The following SLC9A9 variants were observed in gnomAD, a reference collection of about 807,000 sequenced individuals.
SLC9A9 encodes the protein sodium/hydrogen exchanger 9.
A neutral mutation model predicts 77.8 loss-of-function variants in SLC9A9; 62 were observed. The observed-to-expected ratio is 0.80, with a 90% CI of 0.65 to 0.98. The LOEUF is 0.98. Ranked by LOEUF, SLC9A9 falls within the 50% of genes least tolerant of loss-of-function variation. The pLI is 0.00. For missense variants in SLC9A9, 775 were observed against 774.9 expected (o/e 1.00, Z 0.00); for synonymous variants, 320 against 283.5 (o/e 1.13, Z -1.29).
intron 12 of SLC9A9, among the ~76,000 whole-genome samples, chr3:143,428,263 C>A (rs899545510): frequency 1.3e-4 from 3 of 23,216 alleles, no homozygotes; most frequent in Non-Finnish European, 2.4e-4. Context: ...GATAAAAGAC[C>A]TGAATAGACA....
At chr3:143,472,160 T>C (rs1403409026) in intron 11 of SLC9A9, among the ~76,000 whole-genome samples, 6 of 152,310 alleles carry the variant, frequency 3.9e-5, no homozygotes, top group Admixed American at 2.6e-4. Flanking sequence ...CTAAGCTTTA[T>C]CCCAGACACA....
chr3:143,477,722 C>T (rs1040532397), intron 11 of SLC9A9, among the ~76,000 whole-genome samples: 4 of 152,076 alleles, frequency 2.6e-5, no homozygotes, highest in African/African-American at 7.2e-5. Context: ...TATGGTTCTG[C>T]GTCAACCTAT....
chr3:143,409,509 G>A (rs1432823472), intron 12 of SLC9A9, among the ~76,000 whole-genome samples: 1 of 152,120 alleles, frequency 6.6e-6, no homozygotes, highest in Non-Finnish European at 1.5e-5. Context: ...ATTTCATTCC[G>A]CTTAAACCTT....
At chr3:143,450,053 A>ATATATG (rs1406076112) in intron 12 of SLC9A9, among the ~76,000 whole-genome samples, 6 of 89,940 alleles carry the variant, frequency 6.7e-5, no homozygotes, top group African/African-American at 2.4e-4. Context: ...ATATATACAC[A>ATATATG]CATATATAAT....
At chr3:143,830,864 C>T (rs1423447500) in intron 2 of SLC9A9, among the ~76,000 whole-genome samples, 1 of 151,970 alleles carries the variant, frequency 6.6e-6, no homozygotes, top group African/African-American at 2.4e-5. Context: ...AGAAGTTGCT[C>T]CTCTTTATTT....
intron 13 of SLC9A9, among the ~76,000 whole-genome samples, chr3:143,377,204 T>C (rs951691787): frequency 6.6e-6 from 1 of 152,234 alleles, no homozygotes; most frequent in Non-Finnish European, 1.5e-5. Flanking sequence ...TGGAAGGCCC[T>C]GAATAAGAAC....
At chr3:143,746,246 T>C (rs944657938) in intron 4 of SLC9A9, among the ~76,000 whole-genome samples, 1 of 152,148 alleles carries the variant, frequency 6.6e-6, no homozygotes, top group Admixed American at 6.5e-5. Context: ...CAAAAGATAA[T>C]GGCAGCTTAA....
At chr3:143,775,511 T>TA (rs1275729750) in intron 4 of SLC9A9, among the ~76,000 whole-genome samples, 2 of 152,230 alleles carry the variant, frequency 1.3e-5, no homozygotes, top group African/African-American at 4.8e-5. Flanking sequence ...ACAACAGTCT[T>TA]ACTGAGTCAG....
rs992779786 is a variant in SLC9A9 at position 143,625,369 on chromosome 3, A to T, written c.755+26886T>A. On this transcript the variant is annotated intron_variant, in intron 6 of 15. Transcript: ENST00000316549. ...ATGCTACCTGACTTCAAACTATACT[A>T]CAAGGCTACAGTAACCAAAACAACA... Among the ~76,000 whole-genome samples the T allele has an allele frequency of 1.1e-3, 161 of 152,352 alleles. 1 individual carries two copies. The highest frequency in any genetic ancestry group is 1.4e-3 in the Non-Finnish European group (92 of 68,040).
At chr3:143,617,770 G>T (rs1294289235) in intron 6 of SLC9A9, among the ~76,000 whole-genome samples, 1 of 152,164 alleles carries the variant, frequency 6.6e-6, no homozygotes, top group African/African-American at 2.4e-5. Context: ...AGCCCTGTAG[G>T]AATCTAAGTT....
chr3:143,762,260 C>T (rs1290674000), intron 4 of SLC9A9, among the ~76,000 whole-genome samples: 2 of 152,126 alleles, frequency 1.3e-5, no homozygotes, highest in Non-Finnish European at 2.9e-5. Context: ...TTAATGGGTG[C>T]AGCACACCAA....
intron 4 of SLC9A9, among the ~76,000 whole-genome samples, chr3:143,722,672 T>C (rs970308216): frequency 2.0e-5 from 3 of 152,034 alleles, no homozygotes; most frequent in African/African-American, 7.2e-5. Flanking sequence ...CTTCCTTGTG[T>C]CTGGTGACAT....
intron 5 of SLC9A9, among the ~76,000 whole-genome samples, chr3:143,662,902 A>C (rs1452841457): frequency 6.6e-6 from 1 of 152,034 alleles, no homozygotes; most frequent in Non-Finnish European, 1.5e-5. Context: ...AGTGAGCAGA[A>C]ACTTCTGCAG....
At position 143,789,289 on chromosome 3, in the gene SLC9A9, C is replaced by T. The variant is rs566384899; in HGVS notation, c.533+5712G>A. ...ACAAGGAGATATGTAAAATTCTCAC[C>T]GTCCTGACTTTCTCTTTGCCCAGGC... On this transcript the variant is annotated intron_variant, in intron 4 of 15. Coordinates refer to ENST00000316549, the MANE Select transcript of SLC9A9 (RefSeq NM_173653.4). Among the ~76,000 whole-genome samples, 8 of 152,226 alleles carry T rather than the reference C, an allele frequency of 5.3e-5. No individual in the cohort carries two copies. In the East Asian group the frequency reaches 1.5e-3, roughly 29 times the overall value.
intron 14 of SLC9A9, among the ~76,000 whole-genome samples, chr3:143,338,035 G>A (rs1297844533): frequency 6.6e-6 from 1 of 152,164 alleles, no homozygotes; most frequent in Non-Finnish European, 1.5e-5. Flanking sequence ...GAACATGCAT[G>A]TCTCTTTAAA....
intron 14 of SLC9A9, among the ~76,000 whole-genome samples, chr3:143,303,369 TTTTC>T (rs1457112519): frequency 6.8e-6 from 1 of 146,604 alleles, no homozygotes; most frequent in Non-Finnish European, 1.5e-5. Context: ...TTTCTTTTTC[TTTTC>T]TTTTTTTTTT....
intron 6 of SLC9A9, among the ~76,000 whole-genome samples, chr3:143,610,131 G>A (rs1007690260): frequency 4.0e-5 from 6 of 151,764 alleles, no homozygotes; most frequent in South Asian, 2.1e-4. Context: ...TAGAACTTTC[G>A]GAGTTTTCCT....
Position 143,439,516 on chromosome 3 carries a change from A to G in SLC9A9, c.1469+27521T>C, listed in dbSNP as rs2034686839. On this transcript the variant is annotated intron_variant, in intron 12 of 15. Transcript: ENST00000316549. Reference sequence around the variant, plus strand: ...GGTAGAAGGCAGGGTAAGAAGAAGAAGTGGGACAAGAAGAGCATCCTGAGC... The same window carrying G: ...GGTAGAAGGCAGGGTAAGAAGAAGAGGTGGGACAAGAAGAGCATCCTGAGC... 2.0e-5 allele frequency among the ~76,000 whole-genome samples: 3 copies of G among 152,194 alleles called. No individual in the cohort carries two copies. In the South Asian group the frequency reaches 6.2e-4, roughly 32 times the overall value.
chr3:143,807,890 G>T (rs1464965641), intron 2 of SLC9A9, among the ~76,000 whole-genome samples: 2 of 152,248 alleles, frequency 1.3e-5, no homozygotes, highest in African/African-American at 4.8e-5. Flanking sequence ...GTGCTGGGAG[G>T]TGATCCCAAA....
Sources: allele counts gnomAD v4.1 joint callset (sites outside exome capture counted in the v4.1 genomes callset), GRCh38; gene constraint gnomAD v4.1.1; transcripts MANE v1.5; gene names NCBI Gene and HGNC (gene_info 2026-07-23, HGNC 2026-07-21).